LYZL4: variants seen among roughly 807,000 people sequenced by gnomAD.
The protein encoded by LYZL4 is lysozyme-like protein 4.
Under a neutral mutation model 17.6 loss-of-function variants are expected in LYZL4, and 13 were observed. The ratio of observed to expected loss-of-function variants is 0.74; its 90% CI spans 0.48 to 1.18. The LOEUF is 1.18. Among genes scored for constraint, LYZL4 ranks in the 50% most tolerant of loss-of-function variants. LYZL4 has a pLI of 0.00. For synonymous variants in LYZL4, 64 were observed against 67.7 expected (o/e 0.95, Z 0.27); for missense variants, 174 against 188.2 (o/e 0.92, Z 0.44).
chr3:42,370,548 A>G, the LYZL4 span, among the ~76,000 whole-genome samples: 2 of 152,184 alleles, frequency 1.3e-5, no homozygotes, highest in Admixed American at 6.5e-5. Context: ...CTCCAGGCCA[A>G]TGAAAAAGAA....
chr3:42,390,974 C>T, the LYZL4 span, among the ~76,000 whole-genome samples: 1 of 152,170 alleles, frequency 6.6e-6, no homozygotes, highest in Non-Finnish European at 1.5e-5. Flanking sequence ...CTACAGCATG[C>T]TTATATGACC....
chr3:42,391,896 ATGGAG>A, the LYZL4 span, among the ~76,000 whole-genome samples: 1 of 149,622 alleles, frequency 6.7e-6, no homozygotes, highest in African/African-American at 2.5e-5. Flanking sequence ...TTTTTCTGAG[ATGGAG>A]TCTCACTCTG....
chr3:42,372,712 T>C, the LYZL4 span, among the ~76,000 whole-genome samples: 1 of 152,228 alleles, frequency 6.6e-6, no homozygotes, highest in East Asian at 1.9e-4. Context: ...CCAGCACAAC[T>C]TGCTCTTTGC....
At chr3:42,385,703 G>A in the LYZL4 span, among the ~76,000 whole-genome samples, 2 of 152,074 alleles carry the variant, frequency 1.3e-5, no homozygotes, top group African/African-American at 4.8e-5. Context: ...CTAGCCCTGT[G>A]GACTCTAAGT....
chr3:42,399,932 G>C (rs535106169), intron 4 of LYZL4, among the ~76,000 whole-genome samples: 1 of 136,504 alleles, frequency 7.3e-6, no homozygotes, highest in South Asian at 2.1e-4. Flanking sequence ...TTGCCATTAA[G>C]AGTAATGGCA....
At chr3:42,367,506 G>T in the LYZL4 span, among the ~76,000 whole-genome samples, 3 of 152,212 alleles carry the variant, frequency 2.0e-5, no homozygotes, top group Non-Finnish European at 4.4e-5. Flanking sequence ...AGACTGGGCT[G>T]GAGGACTGAG....
At chr3:42,376,821 A>G in the LYZL4 span, among the ~76,000 whole-genome samples, 1 of 152,240 alleles carries the variant, frequency 6.6e-6, no homozygotes, top group Non-Finnish European at 1.5e-5. Flanking sequence ...AGGCACCAGC[A>G]AATTTTGTTC....
intron 1 of LYZL4, among the ~76,000 whole-genome samples, chr3:42,408,143 A>G (rs1449195544): frequency 6.6e-6 from 1 of 152,170 alleles, no homozygotes; most frequent in Non-Finnish European, 1.5e-5. Context: ...CAACTCATGC[A>G]GGTGGTGTTT....
intron 4 of LYZL4, among the ~76,000 whole-genome samples, chr3:42,401,298 C>T (rs1361336847): frequency 6.6e-6 from 1 of 152,092 alleles, no homozygotes; most frequent in East Asian, 1.9e-4. Flanking sequence ...GGAACCTCCA[C>T]CTCCCAGGTT....
In LYZL4 at chr3:42,397,282, C is replaced by T; in HGVS notation, c.424G>A (p.Asp142Asn). ...QYSDTLARWL[D>N]GCKL ...GCAGGTGGCTACAGCTTGCAACCAT[C>T]CAGCCACCGTGCCAGGGTATCGGAG... Residue 142 changes from aspartate to asparagine, a missense_variant, in exon 5 of 5, where the codon GAT (aspartate) becomes AAT (asparagine). Physicochemically the swap from Asp to Asn is conservative, Grantham distance 23 (BLOSUM62 1). Transcript: ENST00000287748. The T allele has an allele frequency of 6.4e-7, 1 of 1,568,214 alleles. No individual in the cohort carries two copies. The highest frequency in any genetic ancestry group is 8.6e-7 in the Non-Finnish European group (1 of 1,156,216).
In LYZL4 at chr3:42,405,734, A is replaced by G. The variant is rs1005943409; in HGVS notation, c.292+1112T>C. 5.9e-5 allele frequency among the ~76,000 whole-genome samples: 9 copies of G among 151,986 alleles called. No homozygotes were observed. In the East Asian group the frequency reaches 7.8e-4, roughly 13 times the overall value. ...TATGTAGCCTCTTGGTTTAGCCCCAACTCAGGAGCCGCACTGCTTAGGTTT... is the reference window on the plus strand; with the variant it reads ...TATGTAGCCTCTTGGTTTAGCCCCAGCTCAGGAGCCGCACTGCTTAGGTTT... On this transcript the variant is annotated intron_variant, in intron 3 of 4. Transcript: ENST00000287748.
In LYZL4 at chr3:42,407,015, G is replaced by A. The variant is rs1698768082; in HGVS notation, c.140-17C>T. On this transcript the variant is annotated splice_polypyrimidine_tract_variant and intron_variant, in intron 2 of 4. Transcript: ENST00000287748. ...GGCACACCCCTAAGATGGAACAGAA[G>A]GTGTGTGACTCTGAGGACAGCTGGA... is the stretch of plus-strand genomic sequence containing the variant. The A allele has an allele frequency of 1.2e-6, 2 of 1,614,146 alleles. No individual in the cohort carries two copies. The highest frequency in any genetic ancestry group is 1.7e-6 in the Non-Finnish European group (2 of 1,180,004).
intron 4 of LYZL4, among the ~76,000 whole-genome samples, chr3:42,401,523 A>C (rs915285786): frequency 2.0e-5 from 3 of 152,154 alleles, no homozygotes; most frequent in African/African-American, 7.2e-5. Flanking sequence ...AGCACATCAT[A>C]ATAAAATTTA....
intron 4 of LYZL4, among the ~76,000 whole-genome samples, chr3:42,400,647 G>A (rs1226910063): frequency 1.3e-5 from 2 of 152,114 alleles, no homozygotes; most frequent in Admixed American, 6.6e-5. Flanking sequence ...ACAAAATAAA[G>A]CCTAGTTTCA....
At chr3:42,366,066 G>A in the LYZL4 span, among the ~76,000 whole-genome samples, 1 of 151,992 alleles carries the variant, frequency 6.6e-6, no homozygotes, top group Non-Finnish European at 1.5e-5. Flanking sequence ...TAGGGAGTGG[G>A]GGATTGTGGA....
At chr3:42,370,169 G>C in the LYZL4 span, among the ~76,000 whole-genome samples, 1 of 152,112 alleles carries the variant, frequency 6.6e-6, no homozygotes, top group African/African-American at 2.4e-5. Context: ...GTAGAGGAAG[G>C]GACTCTAGCT....
the LYZL4 span, among the ~76,000 whole-genome samples, chr3:42,387,570 C>T: frequency 2.0e-5 from 3 of 152,184 alleles, no homozygotes; most frequent in Non-Finnish European, 4.4e-5. Context: ...CCGCCTCCCC[C>T]CAACCCCTCA....
downstream of LYZL4, among the ~76,000 whole-genome samples, chr3:42,396,858 C>T (rs757063716): frequency 2.0e-5 from 3 of 152,240 alleles, no homozygotes; most frequent in Non-Finnish European, 4.4e-5. Context: ...GCTGAAGGCC[C>T]TGCTTGTGCC....
At chr3:42,367,214 C>A in the LYZL4 span, among the ~76,000 whole-genome samples, 1 of 152,186 alleles carries the variant, frequency 6.6e-6, no homozygotes, top group Non-Finnish European at 1.5e-5. Context: ...GCCCACTGAC[C>A]CCCTACCAGG....
Sources: gnomAD v4.1 joint callset for allele counts (sites outside exome capture counted in the v4.1 genomes callset) on GRCh38, gnomAD v4.1.1 for gene constraint, MANE v1.5 for transcripts, NCBI Gene and HGNC (gene_info 2026-07-23, HGNC 2026-07-21) for gene names.